The following EGFLAM variants were observed in gnomAD, a reference collection of about 807,000 sequenced individuals.
EGFLAM encodes the protein EGF like, fibronectin type III and laminin G domains, also known as pikachurin.
In EGFLAM, 79 loss-of-function variants were observed where a neutral mutation model predicts 113.1. That is an observed-to-expected ratio of 0.70 (90% CI 0.58 to 0.84). The LOEUF is 0.84. EGFLAM is among the 40% of genes least tolerant of loss of function. EGFLAM has a pLI of 0.00. For missense variants in EGFLAM, 1,265 were observed against 1,291.6 expected (o/e 0.98, Z 0.32); for synonymous variants, 504 against 487.6 (o/e 1.03, Z -0.44).
intron 13 of EGFLAM, among the ~76,000 whole-genome samples, chr5:38,425,905 A>G (rs1224807084): frequency 6.6e-6 from 1 of 152,160 alleles, no homozygotes; most frequent in Non-Finnish European, 1.5e-5. Flanking sequence ...AGGTGGGCGG[A>G]TCACGAGGCC....
At chr5:38,310,763 A>C (rs1738419467) in intron 1 of EGFLAM, among the ~76,000 whole-genome samples, 1 of 152,212 alleles carries the variant, frequency 6.6e-6, no homozygotes, top group South Asian at 2.1e-4. Context: ...GATCTTTCTA[A>C]AGATTCTTGT....
intron 6 of EGFLAM, among the ~76,000 whole-genome samples, chr5:38,374,581 A>G (rs554246029): frequency 2.6e-4 from 39 of 152,312 alleles, no homozygotes; most frequent in Admixed American, 2.4e-3. Flanking sequence ...TAGGTATTAC[A>G]ATAGTGATGT....
At chr5:38,285,638 A>G (rs1758142200) in intron 1 of EGFLAM, 1 of 152,264 alleles carries the variant, frequency 6.6e-6, no homozygotes, top group Non-Finnish European at 1.5e-5. Flanking sequence ...TGCTATAAAG[A>G]ACTGCCAGAG....
chr5:38,263,966 A>G (rs573144904), intron 1 of EGFLAM, among the ~76,000 whole-genome samples: 3 of 151,804 alleles, frequency 2.0e-5, no homozygotes, highest in Admixed American at 2.0e-4. Context: ...TGCCATTAAG[A>G]CCTCCTCATT....
At chr5:38,463,124 G>T in intron 21 of EGFLAM, 113 bp downstream of exon 21, 1 of 1,009,316 alleles carries the variant, frequency 9.9e-7, no homozygotes, top group Non-Finnish European at 1.4e-6. Flanking sequence ...TGTAAATCAG[G>T]AAGCCCTCCA....
chr5:38,383,579 T>C (rs976331081), intron 6 of EGFLAM, among the ~76,000 whole-genome samples: 2 of 152,206 alleles, frequency 1.3e-5, no homozygotes, highest in Non-Finnish European at 2.9e-5. Context: ...AGGTAATTTC[T>C]GGATGCTGGG....
chr5:38,326,085 C>T (rs1738872807), intron 1 of EGFLAM, among the ~76,000 whole-genome samples: 1 of 152,050 alleles, frequency 6.6e-6, no homozygotes, highest in African/African-American at 2.4e-5. Flanking sequence ...CTGGGCTTCC[C>T]ACAGCTCCGC....
chr5:38,362,730 TA>T (rs1739956141), intron 5 of EGFLAM, among the ~76,000 whole-genome samples: 2 of 152,288 alleles, frequency 1.3e-5, no homozygotes, highest in African/African-American at 4.8e-5. Context: ...CCTACTAGAC[TA>T]GCACCTGGTC....
intron 18 of EGFLAM, among the ~76,000 whole-genome samples, chr5:38,449,336 C>T (rs756685597): frequency 2.0e-5 from 3 of 152,122 alleles, no homozygotes; most frequent in East Asian, 1.9e-4. Flanking sequence ...TCCCTGGTAA[C>T]GCCCAACACA....
chr5:38,424,695 G>A (rs936577844), intron 12 of EGFLAM, among the ~76,000 whole-genome samples: 2 of 152,168 alleles, frequency 1.3e-5, no homozygotes, highest in Non-Finnish European at 2.9e-5. Context: ...TCATAAAATT[G>A]CCCAGAAATG....
At chr5:38,276,328 G>C (rs983260256) in intron 1 of EGFLAM, among the ~76,000 whole-genome samples, 14 of 152,160 alleles carry the variant, frequency 9.2e-5, no homozygotes, top group Admixed American at 5.9e-4. Context: ...GATTTGGGTA[G>C]GGATGCAGGG....
chr5:38,356,411 G>C (rs918373511), intron 5 of EGFLAM, among the ~76,000 whole-genome samples: 7 of 152,182 alleles, frequency 4.6e-5, no homozygotes, highest in African/African-American at 1.7e-4. Context: ...GACACTCAGC[G>C]TGTATCTGTT....
intron 15 of EGFLAM, among the ~76,000 whole-genome samples, chr5:38,432,038 A>T (rs559047248): frequency 1.3e-5 from 2 of 152,282 alleles, no homozygotes; most frequent in South Asian, 4.1e-4. Flanking sequence ...AAAGAAAAAT[A>T]ACATTTTTAA....
intron 1 of EGFLAM, among the ~76,000 whole-genome samples, chr5:38,325,150 C>A (rs1057067489): frequency 1.3e-5 from 2 of 152,050 alleles, no homozygotes; most frequent in Non-Finnish European, 2.9e-5. Flanking sequence ...GAGCTGAGAA[C>A]AGGGAATCTG....
intron 20 of EGFLAM, among the ~76,000 whole-genome samples, chr5:38,461,575 A>C (rs1432420386): frequency 3.3e-5 from 5 of 152,116 alleles, no homozygotes; most frequent in Non-Finnish European, 5.9e-5. Flanking sequence ...CTGTCACAGC[A>C]TTCAGATACA....
intron 13 of EGFLAM, among the ~76,000 whole-genome samples, chr5:38,425,648 C>T (rs894236490): frequency 1.3e-5 from 2 of 152,190 alleles, no homozygotes; most frequent in Non-Finnish European, 2.9e-5. Flanking sequence ...CTTCTTACTG[C>T]AGGGCACCTC....
intron 1 of EGFLAM, among the ~76,000 whole-genome samples, chr5:38,313,481 A>T (rs1303902633): frequency 1.3e-5 from 2 of 152,228 alleles, no homozygotes; most frequent in Non-Finnish European, 2.9e-5. Context: ...CGTGCATAAA[A>T]TATTTTTTCC....
rs761299650 is a variant in EGFLAM at position 38,258,814 on chromosome 5, C to T, written c.60C>T (p.Pro20=). 31 of 1,612,342 alleles carry T rather than the reference C, an allele frequency of 1.9e-5. No individual in the cohort carries two copies. The East Asian group carries it at 6.2e-4, about 32-fold the overall frequency. Reference sequence around the variant, plus strand: ...TGCTCCTGGCTTCCAGCCTCGGACCCGGCGCGGTGTCGCTCCGAGCGGCCA... The same window carrying T: ...TGCTCCTGGCTTCCAGCCTCGGACCTGGCGCGGTGTCGCTCCGAGCGGCCA... The part of the protein sequence containing the change: ...RLLLLASSLG[P]GAVSLRAAIR... The change falls in exon 1 of 22, where the codon CCC becomes CCT. Residue 20 remains proline, a synonymous_variant. Coordinates refer to ENST00000322350, the MANE Select transcript of EGFLAM (RefSeq NM_152403.4).
At chr5:38,446,167 C>T (rs1407770169) in intron 17 of EGFLAM, among the ~76,000 whole-genome samples, 1 of 152,166 alleles carries the variant, frequency 6.6e-6, no homozygotes, top group Non-Finnish European at 1.5e-5. Flanking sequence ...GCCATGGTGT[C>T]CTGAAACGAG....
Sources: allele counts gnomAD v4.1 joint callset (sites outside exome capture counted in the v4.1 genomes callset), GRCh38; gene constraint gnomAD v4.1.1; transcripts MANE v1.5; gene names NCBI Gene and HGNC (gene_info 2026-07-23, HGNC 2026-07-21).